ADGRB3: variants seen among roughly 807,000 people sequenced by gnomAD.
ADGRB3 encodes the protein brain-specific angiogenesis inhibitor 3.
A neutral mutation model predicts 193.4 loss-of-function variants in ADGRB3; 37 were observed. The ratio of observed to expected loss-of-function variants is 0.19; its 90% confidence interval spans 0.15 to 0.25. The LOEUF is 0.25. Among genes scored for constraint, ADGRB3 ranks in the 10% least tolerant of loss-of-function variants. The pLI is 1.00. For synonymous variants in ADGRB3, 690 were observed against 644.2 expected (o/e 1.07, Z -1.08); for missense variants, 1,637 against 1,852.9 (o/e 0.88, Z 2.14).
chr6:69,030,256 A>G (rs1015215454), intron 13 of ADGRB3, among the ~76,000 whole-genome samples: 1 of 152,182 alleles, frequency 6.6e-6, no homozygotes, highest in African/African-American at 2.4e-5. Context: ...CAGCAATCCC[A>G]TTGCTAGGTA....
intron 15 of ADGRB3, among the ~76,000 whole-genome samples, chr6:69,059,117 C>T (rs1196169929): frequency 1.3e-5 from 2 of 151,962 alleles, no homozygotes; most frequent in Non-Finnish European, 2.9e-5. Flanking sequence ...TCAATGTTTG[C>T]TTCACATGTT....
chr6:68,648,907 G>T (rs534954173), intron 3 of ADGRB3, among the ~76,000 whole-genome samples: 2 of 151,614 alleles, frequency 1.3e-5, no homozygotes, highest in Non-Finnish European at 2.9e-5. Context: ...AAGAACTAAA[G>T]CATTTAAATA....
At chr6:69,047,903 A>G (rs962649011) in intron 13 of ADGRB3, among the ~76,000 whole-genome samples, 3 of 152,194 alleles carry the variant, frequency 2.0e-5, no homozygotes, top group African/African-American at 7.2e-5. Flanking sequence ...TGAACAATCA[A>G]TATAGCAGTG....
At chr6:68,860,272 G>A (rs1247766263) in intron 3 of ADGRB3, among the ~76,000 whole-genome samples, 1 of 152,044 alleles carries the variant, frequency 6.6e-6, no homozygotes, top group African/African-American at 2.4e-5. Context: ...GGTTACATGT[G>A]CAGATTTGTT....
At chr6:68,696,852 A>G (rs1166295788) in intron 3 of ADGRB3, among the ~76,000 whole-genome samples, 1 of 152,072 alleles carries the variant, frequency 6.6e-6, no homozygotes, top group African/African-American at 2.4e-5. Context: ...CTTTAAAGAA[A>G]ATCTGTAAAC....
chr6:68,972,374 G>C (rs575558793), intron 8 of ADGRB3, among the ~76,000 whole-genome samples: 1 of 152,228 alleles, frequency 6.6e-6, no homozygotes, highest in Admixed American at 6.5e-5. Context: ...CCATTTAACA[G>C]CCCAGGTGCT....
intron 17 of ADGRB3, among the ~76,000 whole-genome samples, chr6:69,182,798 A>C (rs563176105): frequency 6.6e-6 from 1 of 152,212 alleles, no homozygotes; most frequent in South Asian, 2.1e-4. Context: ...CATGGTGTAA[A>C]TATTCCTACC....
chr6:69,180,644 C>T (rs750728206), intron 17 of ADGRB3, among the ~76,000 whole-genome samples: 4 of 152,124 alleles, frequency 2.6e-5, no homozygotes, highest in East Asian at 1.9e-4. Context: ...CCAAGCTGGC[C>T]GTAGCTGCAA....
At chr6:69,218,186 A>G (rs1466605181) in intron 17 of ADGRB3, among the ~76,000 whole-genome samples, 8 of 152,170 alleles carry the variant, frequency 5.3e-5, no homozygotes, top group Non-Finnish European at 8.8e-5. Context: ...AAAGTGGTCT[A>G]TAAGTATGTA....
Position 69,239,110 on chromosome 6 carries a change from C to A in ADGRB3, c.2712-14C>A. 1.3e-6 allele frequency: 2 copies of A among 1,500,334 alleles called. No individual in the cohort carries two copies. The highest frequency in any genetic ancestry group is 1.2e-5 in the South Asian group (1 of 84,018). 92.9% of individuals were successfully genotyped at this position (1,500,334 alleles called of 1,614,324 possible). A position where few individuals can be genotyped will look rare whatever the true frequency, so the allele number is the denominator to read the frequency against. ...TGGATTTTAAAGTTGGGTAACTTTT[C>A]TCTCTCTGGCTAGGTACATACGCTC... On this transcript the variant is annotated splice_polypyrimidine_tract_variant and intron_variant, in intron 19 of 31. Coordinates refer to ENST00000370598, the MANE Select transcript of ADGRB3 (RefSeq NM_001704.3).
At chr6:69,185,568 T>G (rs1765049264) in intron 17 of ADGRB3, among the ~76,000 whole-genome samples, 1 of 152,190 alleles carries the variant, frequency 6.6e-6, no homozygotes, top group Non-Finnish European at 1.5e-5. Flanking sequence ...CTGTATGCCC[T>G]CTGAAGAATG....
At chr6:69,113,985 T>A (rs1773449545) in intron 17 of ADGRB3, among the ~76,000 whole-genome samples, 1 of 152,182 alleles carries the variant, frequency 6.6e-6, no homozygotes, top group Non-Finnish European at 1.5e-5. Flanking sequence ...ATTACTAAGA[T>A]GTAAGTCCTG....
chr6:68,809,688 T>G (rs1234188652), intron 3 of ADGRB3, among the ~76,000 whole-genome samples: 1 of 152,176 alleles, frequency 6.6e-6, no homozygotes, highest in Non-Finnish European at 1.5e-5. Flanking sequence ...TTTCCTTCAT[T>G]TTAAAAAATT....
intron 3 of ADGRB3, among the ~76,000 whole-genome samples, chr6:68,758,760 A>C (rs1696325591): frequency 6.6e-6 from 1 of 152,094 alleles, no homozygotes. Context: ...CCCATTAAGC[A>C]CTTTTTATAG....
intron 17 of ADGRB3, among the ~76,000 whole-genome samples, chr6:69,204,293 T>G (rs1027884269): frequency 1.3e-5 from 2 of 151,630 alleles, no homozygotes; most frequent in South Asian, 4.2e-4. Context: ...TTAAATCACA[T>G]TTTTTTTCCT....
At position 68,648,059 on chromosome 6, in the gene ADGRB3, A is replaced by G. The variant is rs147263699; in HGVS notation, c.757+8627A>G. ...ATGAAATGCCACAGGCTCTACATTC[A>G]ATTATCTTTCAACTATCCTCCAGGA... On this transcript the variant is annotated intron_variant, in intron 3 of 31. Transcript: ENST00000370598. Among the ~76,000 whole-genome samples the G allele has an allele frequency of 4.4e-3, 665 of 152,304 alleles. 2 individuals are homozygous for G. Among genetic ancestry groups the G allele is most frequent in the Middle Eastern group, 0.014 (4 of 294 alleles).
chr6:68,979,564 C>A lies in ADGRB3; in HGVS notation c.1734+4224C>A, dbSNP rs1016394002. Among the ~76,000 whole-genome samples, 16 of 151,392 alleles carry A rather than the reference C, an allele frequency of 1.1e-4. No individual in the cohort carries two copies. The Admixed American group carries it at 1.1e-3, about 10-fold the overall frequency. On this transcript the variant is annotated intron_variant, in intron 10 of 31. Coordinates refer to ENST00000370598, the MANE Select transcript of ADGRB3 (RefSeq NM_001704.3). ...GAGAATATGAGAACAAAGTGCTAAA[C>A]GTTGTGAGATTCTTGGAAAGTTTAA...
intron 3 of ADGRB3, among the ~76,000 whole-genome samples, chr6:68,810,248 T>C (rs995921246): frequency 4.6e-5 from 7 of 152,186 alleles, no homozygotes; most frequent in African/African-American, 7.2e-5. Context: ...AAGTGAGATA[T>C]GTCATAATCC....
At chr6:68,784,901 T>G (rs1024235381) in intron 3 of ADGRB3, among the ~76,000 whole-genome samples, 1 of 152,088 alleles carries the variant, frequency 6.6e-6, no homozygotes, top group Admixed American at 6.6e-5. Context: ...TCATAGAGTT[T>G]AGTAGTGTTC....
Sources: gnomAD v4.1 joint callset for allele counts (sites outside exome capture counted in the v4.1 genomes callset) on GRCh38, gnomAD v4.1.1 for gene constraint, MANE v1.5 for transcripts, NCBI Gene and HGNC (gene_info 2026-07-23, HGNC 2026-07-21) for gene names.